Variants in MCF2L observed in about 807,000 individuals in gnomAD.
MCF2L encodes guanine nucleotide exchange factor DBS.
A neutral mutation model predicts 153.4 loss-of-function variants in MCF2L; 97 were observed. The ratio of observed to expected loss-of-function variants is 0.63; its 90% CI spans 0.54 to 0.75. The LOEUF (loss-of-function observed/expected upper bound fraction) is 0.75, where lower values mean the gene tolerates loss of function less well. Ranked by LOEUF, MCF2L falls within the 30% of genes least tolerant of loss-of-function variation. MCF2L has a pLI of 0.00. For synonymous variants in MCF2L, 659 were observed against 632.2 expected (o/e 1.04, Z -0.64); for missense variants, 1,347 against 1,495.2 (o/e 0.90, Z 1.64).
At chr13:112,902,494 G>C (rs1382709538) in intron 2 of MCF2L, 2 of 1,019,342 alleles carry the variant, frequency 2.0e-6, no homozygotes, top group East Asian at 2.7e-5. Context: ...GGGAATGCAT[G>C]ACCCCCCAGG....
At chr13:112,897,680 C>G (rs375395737) in intron 1 of MCF2L, among the ~76,000 whole-genome samples, 4 of 152,206 alleles carry the variant, frequency 2.6e-5, no homozygotes, top group Admixed American at 2.6e-4. Flanking sequence ...AGAGGGTAAC[C>G]GTGTTTTCTT....
chr13:112,970,101 C>T (rs748554874), intron 1 of MCF2L, among the ~76,000 whole-genome samples: 5 of 152,050 alleles, frequency 3.3e-5, no homozygotes, highest in African/African-American at 9.7e-5. Flanking sequence ...GGCTTTCAGG[C>T]GGTCGCATCT....
intron 2 of MCF2L, among the ~76,000 whole-genome samples, chr13:113,015,126 G>A (rs1475432804): frequency 6.6e-6 from 1 of 152,192 alleles, no homozygotes; most frequent in Non-Finnish European, 1.5e-5. Context: ...CAGCCTCCAG[G>A]GACAGATGGA....
intron 11 of MCF2L, 72 bp downstream of exon 11, chr13:113,075,261 C>A: frequency 7.2e-7 from 1 of 1,398,438 alleles, no homozygotes; most frequent in South Asian, 1.4e-5. Flanking sequence ...CATCCACCAC[C>A]GGCTGACCCT....
At chr13:113,051,291 C>T (rs927619143) in intron 4 of MCF2L, among the ~76,000 whole-genome samples, 1 of 149,660 alleles carries the variant, frequency 6.7e-6, no homozygotes, top group African/African-American at 2.4e-5. Flanking sequence ...GCTCTGGGGG[C>T]GGCCTGGGCC....
At chr13:113,096,087 A>G in intron 27 of MCF2L, 1 of 538,678 alleles carries the variant, frequency 1.9e-6, no homozygotes, top group Non-Finnish European at 3.3e-6. Context: ...GCGGGTATGC[A>G]GGCGCAAAGG....
intron 2 of MCF2L, among the ~76,000 whole-genome samples, chr13:112,911,593 G>A (rs1183180467): frequency 1.3e-5 from 2 of 152,168 alleles, no homozygotes; most frequent in African/African-American, 4.8e-5. Context: ...CCAAGCCCCT[G>A]CTGTGGTCAC....
chr13:113,018,501 C>T (rs1226063922), intron 2 of MCF2L, among the ~76,000 whole-genome samples: 2 of 152,220 alleles, frequency 1.3e-5, no homozygotes, highest in African/African-American at 4.8e-5. Context: ...ATCCGTTTGA[C>T]TCTTTCTTAC....
At chr13:113,023,658 A>G (rs2085047467) in intron 2 of MCF2L, among the ~76,000 whole-genome samples, 1 of 152,240 alleles carries the variant, frequency 6.6e-6, no homozygotes. Flanking sequence ...GAAAAGCCCT[A>G]TTTTACAGAT....
chr13:113,063,567 G>A (rs1330101555), intron 5 of MCF2L, among the ~76,000 whole-genome samples: 2 of 152,322 alleles, frequency 1.3e-5, no homozygotes, highest in African/African-American at 4.8e-5. Flanking sequence ...ATAAAATCTA[G>A]GCTTGGCTTT....
chr13:113,030,325 G>A (rs2085581156), intron 3 of MCF2L, among the ~76,000 whole-genome samples: 1 of 145,360 alleles, frequency 6.9e-6, no homozygotes, highest in Non-Finnish European at 1.5e-5. Context: ...TGGACCCTCA[G>A]GTGTCTGCCG....
chr13:112,966,917 T>C (rs999516912), upstream of MCF2L, among the ~76,000 whole-genome samples: 5 of 152,176 alleles, frequency 3.3e-5, no homozygotes, highest in Non-Finnish European at 5.9e-5. The surrounding 1 kb of genome is among the most constrained non-coding windows in gnomAD (Gnocchi z 4.1). Flanking sequence ...CAAGGAGCCA[T>C]CAGAGCCCAG....
At position 112,919,318 on chromosome 13, in the gene MCF2L, G is replaced by C. The variant is rs183350305; in HGVS notation, c.169+16947G>C. On this transcript the variant is annotated intron_variant, in intron 2 of 29. Coordinates refer to the MCF2L transcript ENST00000375608. ...CCTCCCGGGTTCACGCCATTCTCCT[G>C]CCTCAGCCTCCCAAGTAGCTGGGAC... Among the ~76,000 whole-genome samples the C allele has an allele frequency of 3.8e-3, 555 of 144,834 alleles. 29 individuals carry two copies. The East Asian group carries it at 0.088, about 23-fold the overall frequency.
At position 113,045,067 on chromosome 13, in the gene MCF2L, T is replaced by C; in HGVS notation, c.279-204T>C. On this transcript the variant is annotated intron_variant, in intron 3 of 29. Transcript: ENST00000535094. The surrounding 1 kb of genome is among the most constrained non-coding windows in gnomAD (Gnocchi z 4.2). ...GAAATAAGAACACACCAAAAGTGCC[T>C]GCCCTTCCGTAGATGAGAGCAGGTT... The C allele has an allele frequency of 9.9e-7, 1 of 1,008,408 alleles. No individual in the cohort carries two copies. The highest frequency in any genetic ancestry group is 1.5e-6 in the Non-Finnish European group (1 of 681,984). The allele number at this position is 1,008,408 out of a possible 1,614,324, so 62.5% of individuals were successfully genotyped here. A position where few individuals can be genotyped will look rare whatever the true frequency, so the allele number is the denominator to read the frequency against.
chr13:113,019,569 G>A (rs769727544), intron 2 of MCF2L, among the ~76,000 whole-genome samples: 12 of 152,226 alleles, frequency 7.9e-5, no homozygotes, highest in Admixed American at 4.6e-4. Flanking sequence ...CAGGAATCCC[G>A]TTAGGTTTGG....
chr13:112,917,876 T>C (rs757159978), intron 2 of MCF2L, among the ~76,000 whole-genome samples: 2 of 152,156 alleles, frequency 1.3e-5, no homozygotes, highest in Non-Finnish European at 2.9e-5. Context: ...TGACCTAGCC[T>C]CACCTGCCCA....
rs184104374 is a variant in MCF2L at position 113,060,706 on chromosome 13, G to A, written c.483G>A (p.Lys161=). 252 of 1,612,962 alleles carry A rather than the reference G, an allele frequency of 1.6e-4. No homozygotes were observed. Among genetic ancestry groups the A allele is most frequent in the Non-Finnish European group, 1.7e-4 (202 of 1,179,894 alleles). The stretch of plus-strand genomic sequence containing the variant: ...TCAATAGAGATGACTTTAAGATGAA[G>A]GTGCCGGTAAGTGCGCCCCGCCTCC... The part of the protein sequence containing the change: ...FKFNRDDFKM[K]VPVIMLSSVP... The change falls in exon 5 of 30, where the codon AAG becomes AAA. Residue 161 remains lysine, a synonymous_variant. Coordinates refer to ENST00000535094, the MANE Select transcript of MCF2L (RefSeq NM_001112732.3).
Position 113,085,093 on chromosome 13 carries a change from A to G in MCF2L, c.2162A>G (p.Gln721Arg). Residue 721 changes from glutamine to arginine, a missense_variant, in exon 20 of 30, where the codon CAG (glutamine) becomes CGG (arginine). Transcript: ENST00000535094. ...GCTCTGGGTTGGTTCCAGGAATGCC[A>G]GAGAAAGCTGGACCACAAGCTGAGC... ...CSDCPFFQEC[Q>R]RKLDHKLSLD... 2 of 1,613,714 alleles carry G rather than the reference A, an allele frequency of 1.2e-6. No homozygotes were observed. The highest frequency in any genetic ancestry group is 8.5e-7 in the Non-Finnish European group (1 of 1,179,974).
rs760992655 is a variant in MCF2L at position 112,969,459 on chromosome 13, G to C, written c.79+1G>C. On this transcript the variant is annotated splice_donor_variant, in intron 1 of 29. Coordinates refer to ENST00000535094, the MANE Select transcript of MCF2L (RefSeq NM_001112732.3). LOFTEE classifies it high-confidence loss of function. The surrounding 1 kb of genome is among the most constrained non-coding windows in gnomAD (Gnocchi z 4.8). Reference sequence around the variant, plus strand: ...TTAAATGCGGTTTCCAAGCACACGGGTAGGAGGAGCTGCTGGCCGTCAGTG... The same window carrying C: ...TTAAATGCGGTTTCCAAGCACACGGCTAGGAGGAGCTGCTGGCCGTCAGTG... 1 of 1,550,296 alleles carries C rather than the reference G, an allele frequency of 6.5e-7. No homozygotes were observed. Among genetic ancestry groups the C allele is most frequent in the South Asian group, 1.2e-5 (1 of 84,060 alleles).
Sources: gnomAD v4.1 joint callset for allele counts (sites outside exome capture counted in the v4.1 genomes callset) on GRCh38, gnomAD v4.1.1 for gene constraint, Gnocchi (gnomAD v3.1) non-coding constraint, MANE v1.5 for transcripts, NCBI Gene and HGNC (gene_info 2026-07-23, HGNC 2026-07-21) for gene names.